ANK3: variants seen among roughly 807,000 people sequenced by gnomAD.
The protein encoded by ANK3 is ankyrin 3.
A neutral mutation model predicts 370.9 loss-of-function variants in ANK3; 57 were observed. The ratio of observed to expected loss-of-function variants is 0.15; its 90% CI spans 0.12 to 0.19. ANK3 has a LOEUF of 0.19. ANK3 is among the 10% of genes least tolerant of loss of function. ANK3 has a pLI of 1.00. For missense variants in ANK3, 4,439 were observed against 5,302.1 expected (o/e 0.84, Z 5.06); for synonymous variants, 1,929 against 1,946.3 (o/e 0.99, Z 0.23).
Position 60,196,626 on chromosome 10 carries a change from C to CT in ANK3, c.1690-2dup, listed in dbSNP as rs2132403246. 2.7e-6 allele frequency: 4 copies of CT among 1,472,168 alleles called. No individual in the cohort carries two copies. The highest frequency in any genetic ancestry group is 1.2e-5 in the South Asian group (1 of 83,208). The allele number at this position is 1,472,168 out of a possible 1,614,324, so 91.2% of individuals were successfully genotyped here. On this transcript the variant is annotated splice_acceptor_variant, in intron 14 of 43. Transcript: ENST00000280772. ...CCACATGAAGAGGAGTAAATCCTTT[C>CT]TGAAAAAAAAAAAACATAAAAATAA... is the stretch of plus-strand genomic sequence containing the variant.
intron 2 of ANK3, among the ~76,000 whole-genome samples, chr10:60,520,518 T>C (rs2076324666): frequency 1.3e-5 from 2 of 152,092 alleles, no homozygotes; most frequent in Admixed American, 1.3e-4. Context: ...ATAAGAAACA[T>C]TTCAAAGGAT....
chr10:60,571,040 G>A (rs1252376221), intron 2 of ANK3, among the ~76,000 whole-genome samples: 10 of 145,466 alleles, frequency 6.9e-5, no homozygotes, highest in Admixed American at 5.8e-4. Flanking sequence ...TTATAAACAT[G>A]AGCAAACCTG....
At chr10:60,133,664 T>C (rs1262081437) in intron 25 of ANK3, among the ~76,000 whole-genome samples, 1 of 152,238 alleles carries the variant, frequency 6.6e-6, no homozygotes, top group African/African-American at 2.4e-5. Context: ...GGTTCACACC[T>C]GTTCCCAGCA....
intron 2 of ANK3, among the ~76,000 whole-genome samples, chr10:60,501,298 A>C (rs943549225): frequency 5.3e-5 from 8 of 152,234 alleles, no homozygotes; most frequent in Non-Finnish European, 1.2e-4. Context: ...TAGAAAGCAC[A>C]CTACATCACA....
chr10:60,381,912 T>C (rs1048819961), intron 1 of ANK3, among the ~76,000 whole-genome samples: 1 of 152,200 alleles, frequency 6.6e-6, no homozygotes, highest in African/African-American at 2.4e-5. Flanking sequence ...ATACCATGAA[T>C]TGTAATGCTT....
intron 2 of ANK3, among the ~76,000 whole-genome samples, chr10:60,490,091 A>G (rs1216214343): frequency 6.6e-6 from 1 of 152,168 alleles, no homozygotes; most frequent in Non-Finnish European, 1.5e-5. Context: ...ATCAGAGCGC[A>G]TATGTAGGAT....
At chr10:60,092,758 CAG>C (rs367853825) in intron 28 of ANK3, among the ~76,000 whole-genome samples, 1 of 152,148 alleles carries the variant, frequency 6.6e-6, no homozygotes, top group African/African-American at 2.4e-5. Flanking sequence ...TGTTTTGAAA[CAG>C]AATCTCACTC....
chr10:60,581,641 T>C (rs1482917846), intron 2 of ANK3, among the ~76,000 whole-genome samples: 1 of 151,856 alleles, frequency 6.6e-6, no homozygotes, highest in Non-Finnish European at 1.5e-5. Flanking sequence ...GGTTTCATCA[T>C]CTTGGCCATG....
chr10:60,038,187 A>C lies in ANK3; in HGVS notation c.*19+4485T>G, dbSNP rs557663775. On this transcript the variant is annotated intron_variant, in intron 43 of 43. Transcript: ENST00000280772. ...CAAGGTGAGTGGATCACTTGAGGTC[A>C]GGAGTTTGAGACCACCCTGGCCAAC... 1.4e-4 allele frequency among the ~76,000 whole-genome samples: 21 copies of C among 152,310 alleles called. 1 individual carries two copies. In the East Asian group the frequency reaches 3.7e-3, roughly 27 times the overall value.
At chr10:60,488,562 T>G (rs2075409252) in intron 2 of ANK3, among the ~76,000 whole-genome samples, 1 of 152,134 alleles carries the variant, frequency 6.6e-6, no homozygotes, top group Non-Finnish European at 1.5e-5. Flanking sequence ...GTAATCACCC[T>G]GTTCTCCCCT....
At chr10:60,371,202 T>C (rs1310053591) in intron 1 of ANK3, among the ~76,000 whole-genome samples, 4 of 152,124 alleles carry the variant, frequency 2.6e-5, no homozygotes, top group Admixed American at 6.6e-5. Context: ...CCCTGGTAGA[T>C]GTGCCCCTTC....
chr10:60,731,680 A>C (rs2080023929), intron 1 of ANK3, among the ~76,000 whole-genome samples: 1 of 152,172 alleles, frequency 6.6e-6, no homozygotes, highest in African/African-American at 2.4e-5. Flanking sequence ...TTCCTTAAAC[A>C]CGCACCGGTT....
At chr10:60,308,544 G>A (rs547618837) in intron 1 of ANK3, among the ~76,000 whole-genome samples, 1 of 152,180 alleles carries the variant, frequency 6.6e-6, no homozygotes, top group East Asian at 1.9e-4. Context: ...CCAAATTGCT[G>A]GGATTACAGA....
chr10:60,284,437 T>C (rs2098214170), intron 1 of ANK3, among the ~76,000 whole-genome samples: 1 of 152,176 alleles, frequency 6.6e-6, no homozygotes, highest in South Asian at 2.1e-4. Flanking sequence ...GATGAGTGAC[T>C]TTCCCAGGGA....
At chr10:60,600,183 G>C (rs1013456060) in intron 2 of ANK3, among the ~76,000 whole-genome samples, 11 of 152,156 alleles carry the variant, frequency 7.2e-5, no homozygotes, top group Non-Finnish European at 1.5e-4. Context: ...CTAGGAGATA[G>C]TGAAGAATTT....
intron 24 of ANK3, among the ~76,000 whole-genome samples, chr10:60,138,025 A>G (rs894392978): frequency 2.6e-5 from 4 of 152,112 alleles, no homozygotes; most frequent in African/African-American, 9.7e-5. Flanking sequence ...ATAAGGCAAA[A>G]GTTCTACCAA....
intron 1 of ANK3, among the ~76,000 whole-genome samples, chr10:60,720,394 A>G (rs10509139): frequency 0.29 from 44,831 of 152,020 alleles, 7,134 homozygotes; most frequent in South Asian, 0.48. Flanking sequence ...CTACTATGAA[A>G]TCTACTATAC....
At chr10:60,479,781 C>A (rs2133098637) in intron 2 of ANK3, among the ~76,000 whole-genome samples, 1 of 152,160 alleles carries the variant, frequency 6.6e-6, no homozygotes, top group Middle Eastern at 3.4e-3. Flanking sequence ...AGTTCAAACA[C>A]AATCATCTCC....
At chr10:60,035,532 T>G (rs1178900642) in intron 43 of ANK3, among the ~76,000 whole-genome samples, 1 of 151,288 alleles carries the variant, frequency 6.6e-6, no homozygotes, top group East Asian at 2.0e-4. Flanking sequence ...GGATTACAGG[T>G]GTGAGCCACT....
Sources: gnomAD v4.1 joint callset for allele counts (sites outside exome capture counted in the v4.1 genomes callset) on GRCh38, gnomAD v4.1.1 for gene constraint, MANE v1.5 for transcripts, NCBI Gene and HGNC (gene_info 2026-07-23, HGNC 2026-07-21) for gene names.